The following FDX1 variants were observed in gnomAD, a reference collection of about 807,000 sequenced individuals.
FDX1 encodes the protein ferredoxin 1.
In FDX1, 9 loss-of-function variants were observed where a neutral mutation model predicts 14.9. The ratio of observed to expected loss-of-function variants is 0.60; its 90% confidence interval spans 0.36 to 1.05. FDX1 has a LOEUF of 1.05. Ranked by LOEUF, FDX1 falls within the 50% of genes least tolerant of loss-of-function variation. The pLI is 0.01. For synonymous variants in FDX1, 92 were observed against 99.4 expected (o/e 0.93, Z 0.44); for missense variants, 204 against 237.2 (o/e 0.86, Z 0.92).
chr11:110,453,318 A>G (rs1344955379), intron 2 of FDX1, among the ~76,000 whole-genome samples: 2 of 152,220 alleles, frequency 1.3e-5, no homozygotes, highest in African/African-American at 4.8e-5. Flanking sequence ...AGTCCAGGCA[A>G]CAAGAGTAAG....
At chr11:110,433,405 A>G (rs982781257) in intron 1 of FDX1, among the ~76,000 whole-genome samples, 7 of 152,162 alleles carry the variant, frequency 4.6e-5, no homozygotes, top group Non-Finnish European at 8.8e-5. Context: ...AAATGGTACC[A>G]CCTAATTGTG....
intron 2 of FDX1, among the ~76,000 whole-genome samples, chr11:110,446,815 C>T (rs1946452953): frequency 6.6e-6 from 1 of 152,246 alleles, no homozygotes; most frequent in South Asian, 2.1e-4. Flanking sequence ...TAACCTGCTT[C>T]TGCTCTGGAG....
At chr11:110,457,232 T>C (rs1472781601) in intron 3 of FDX1, among the ~76,000 whole-genome samples, 185 bp downstream of exon 3, 1 of 152,234 alleles carries the variant, frequency 6.6e-6, no homozygotes, top group Non-Finnish European at 1.5e-5. Context: ...AGTTTAGACC[T>C]TATGAAATTT....
intron 1 of FDX1, among the ~76,000 whole-genome samples, chr11:110,430,825 A>G (rs918045509): frequency 3.3e-5 from 5 of 152,114 alleles, no homozygotes; most frequent in African/African-American, 1.2e-4. Context: ...CACCCAGCCC[A>G]TACCCTCTGC....
chr11:110,444,069 G>C (rs528058406), intron 2 of FDX1, among the ~76,000 whole-genome samples: 1 of 151,958 alleles, frequency 6.6e-6, no homozygotes, highest in African/African-American at 2.4e-5. Context: ...TGTTTAATTA[G>C]ATCCCACTTA....
At chr11:110,443,912 A>T in intron 2 of FDX1, among the ~76,000 whole-genome samples, 1 of 150,354 alleles carries the variant, frequency 6.7e-6, no homozygotes, top group Non-Finnish European at 1.5e-5. Flanking sequence ...TTTTTTAATG[A>T]GGTTGTTTTT....
intron 2 of FDX1, among the ~76,000 whole-genome samples, chr11:110,442,304 A>G (rs1387077435): frequency 6.6e-6 from 1 of 152,236 alleles, no homozygotes; most frequent in Non-Finnish European, 1.5e-5. Context: ...TCCAAACCTC[A>G]GAATGGTAGA....
chr11:110,461,094 A>G (rs1474791181), intron 3 of FDX1, among the ~76,000 whole-genome samples: 4 of 152,258 alleles, frequency 2.6e-5, no homozygotes, highest in Non-Finnish European at 5.9e-5. Context: ...AGATAAAAGC[A>G]CTGCTAATTC....
intron 2 of FDX1, among the ~76,000 whole-genome samples, chr11:110,453,778 T>C (rs548610999): frequency 2.8e-4 from 42 of 152,296 alleles, no homozygotes; most frequent in African/African-American, 9.9e-4. Flanking sequence ...GACAGAATAG[T>C]TCATAAGTGC....
intron 2 of FDX1, among the ~76,000 whole-genome samples, chr11:110,453,968 A>G (rs570595787): frequency 1.4e-4 from 22 of 152,328 alleles, no homozygotes; most frequent in African/African-American, 5.1e-4. Flanking sequence ...AGAATAACAA[A>G]GGATAAATTG....
At position 110,455,894 on chromosome 11, in the gene FDX1, T is replaced by TA. The variant is rs767344429; in HGVS notation, c.311-1023dup. Among the ~76,000 whole-genome samples the TA allele has an allele frequency of 6.6e-4, 101 of 152,264 alleles. 1 individual carries two copies. Among genetic ancestry groups the TA allele is most frequent in the Non-Finnish European group, 1.3e-3 (86 of 68,018 alleles). On this transcript the variant is annotated intron_variant, in intron 2 of 3. Transcript: ENST00000260270. ...CAGCCGAATGCAAAATTGGCTGACT[T>TA]ATGTGGTGTCGGTTTCTTTGTCAGG...
intron 1 of FDX1, among the ~76,000 whole-genome samples, chr11:110,431,210 G>A (rs1413093332): frequency 6.6e-6 from 1 of 152,216 alleles, no homozygotes; most frequent in East Asian, 1.9e-4. Flanking sequence ...TCCCAAATGT[G>A]TTGAAGTTTT....
At chr11:110,444,384 G>A (rs1191506463) in intron 2 of FDX1, among the ~76,000 whole-genome samples, 2 of 151,902 alleles carry the variant, frequency 1.3e-5, no homozygotes, top group Non-Finnish European at 2.9e-5. Flanking sequence ...GGGAGGCCAA[G>A]GCAGGCAGAT....
chr11:110,439,617 T>G (rs770977929), intron 2 of FDX1, among the ~76,000 whole-genome samples: 42 of 152,230 alleles, frequency 2.8e-4, no homozygotes, highest in Non-Finnish European at 5.6e-4. Context: ...GTGAATATTT[T>G]TTCTCATTTT....
chr11:110,444,670 A>ATATATATATACGTG (rs1946429132), intron 2 of FDX1, among the ~76,000 whole-genome samples: 1 of 71,394 alleles, frequency 1.4e-5, no homozygotes. Context: ...ATATACGTAT[A>ATATATATATACGTG]TATATATATA....
In FDX1 at chr11:110,452,336, A is replaced by G. The variant is rs927918128; in HGVS notation, c.311-4582A>G. ...CTGGGAGAAAATACTTGTAAATCACATATCCAGTGAAAGGACTTGTATCCC... is the reference window on the plus strand; with the variant it reads ...CTGGGAGAAAATACTTGTAAATCACGTATCCAGTGAAAGGACTTGTATCCC... On this transcript the variant is annotated intron_variant, in intron 2 of 3. Coordinates refer to ENST00000260270, the MANE Select transcript of FDX1 (RefSeq NM_004109.5). 2.6e-5 allele frequency among the ~76,000 whole-genome samples: 4 copies of G among 152,160 alleles called. 1 individual carries two copies. The South Asian group carries it at 8.3e-4, about 32-fold the overall frequency.
At chr11:110,454,399 AG>A (rs905156554) in intron 2 of FDX1, among the ~76,000 whole-genome samples, 2 of 152,202 alleles carry the variant, frequency 1.3e-5, no homozygotes, top group African/African-American at 4.8e-5. Flanking sequence ...TTTGTTTTTC[AG>A]GAGGGATTTG....
intron 2 of FDX1, among the ~76,000 whole-genome samples, chr11:110,441,323 C>T (rs1056114914): frequency 2.0e-5 from 3 of 152,162 alleles, no homozygotes; most frequent in Non-Finnish European, 2.9e-5. Flanking sequence ...AGGTAACAGG[C>T]AGACATTGGA....
intron 2 of FDX1, among the ~76,000 whole-genome samples, chr11:110,441,886 A>G (rs1348483121): frequency 2.6e-5 from 4 of 152,168 alleles, no homozygotes; most frequent in Non-Finnish European, 5.9e-5. Context: ...CTGGAAGCCT[A>G]GGAGGAAAAA....
Sources: allele counts gnomAD v4.1 joint callset (sites outside exome capture counted in the v4.1 genomes callset), GRCh38; gene constraint gnomAD v4.1.1; transcripts MANE v1.5; gene names NCBI Gene and HGNC (gene_info 2026-07-23, HGNC 2026-07-21).